UBASH3B: variants seen among roughly 807,000 people sequenced by gnomAD.
UBASH3B encodes the protein ubiquitin associated and SH3 domain containing B.
A neutral mutation model predicts 83.4 loss-of-function variants in UBASH3B; 37 were observed. That is an observed-to-expected ratio of 0.44 (90% confidence interval 0.34 to 0.58). The LOEUF (loss-of-function observed/expected upper bound fraction) is 0.58, where lower values mean the gene tolerates loss of function less well. Among genes scored for constraint, UBASH3B ranks in the 20% least tolerant of loss-of-function variants. The pLI is 0.01. For missense variants in UBASH3B, 657 were observed against 827.2 expected, an observed-to-expected ratio of 0.79 and a Z score of 2.52; for synonymous variants, 304 against 318.3, an observed-to-expected ratio of 0.96 and a Z score of 0.48.
At chr11:122,794,933 T>G in intron 7 of UBASH3B, 99 bp downstream of exon 7, 1 of 1,522,102 alleles carries the variant, frequency 6.6e-7, no homozygotes, top group East Asian at 2.3e-5. Context: ...TCTCCAAAGC[T>G]TCCACGATCT....
At chr11:122,736,606 G>A (rs1202202409) in intron 1 of UBASH3B, among the ~76,000 whole-genome samples, 1 of 152,100 alleles carries the variant, frequency 6.6e-6, no homozygotes, top group Non-Finnish European at 1.5e-5. Flanking sequence ...TCTACCTCAT[G>A]GCCTGTACTA....
chr11:122,685,017 C>T (rs1252338583), intron 1 of UBASH3B, among the ~76,000 whole-genome samples: 2 of 152,202 alleles, frequency 1.3e-5, no homozygotes, highest in African/African-American at 4.8e-5. Context: ...GGCTCATCAA[C>T]ATATCTTCAC....
At chr11:122,777,489 G>C (rs970702930) in intron 3 of UBASH3B, among the ~76,000 whole-genome samples, 1 of 152,192 alleles carries the variant, frequency 6.6e-6, no homozygotes, top group Non-Finnish European at 1.5e-5. Context: ...TGCTGGAATA[G>C]AATCACTGAT....
intron 1 of UBASH3B, among the ~76,000 whole-genome samples, chr11:122,697,539 T>G (rs565125057): frequency 6.6e-6 from 1 of 152,320 alleles, no homozygotes; most frequent in South Asian, 2.1e-4. Flanking sequence ...CTGAAGCAAA[T>G]AGAGTTCCAG....
intron 1 of UBASH3B, among the ~76,000 whole-genome samples, chr11:122,720,160 C>T (rs1860598773): frequency 6.6e-6 from 1 of 152,218 alleles, no homozygotes; most frequent in African/African-American, 2.4e-5. Flanking sequence ...ATTTTCCAGA[C>T]TCCGTACTCA....
At chr11:122,769,926 T>C (rs1023043146) in intron 1 of UBASH3B, among the ~76,000 whole-genome samples, 1 of 152,230 alleles carries the variant, frequency 6.6e-6, no homozygotes, top group Admixed American at 6.5e-5. Flanking sequence ...ATTTAACAAG[T>C]GGTATCCAGG....
chr11:122,741,111 G>A (rs150466374), intron 1 of UBASH3B, among the ~76,000 whole-genome samples: 216 of 152,214 alleles, frequency 1.4e-3, no homozygotes, highest in Non-Finnish European at 2.7e-3. Context: ...AAATGACAAA[G>A]TTTATTTTTT....
At chr11:122,729,662 G>A (rs1410122904) in intron 1 of UBASH3B, among the ~76,000 whole-genome samples, 1 of 151,736 alleles carries the variant, frequency 6.6e-6, no homozygotes, top group Admixed American at 6.6e-5. Context: ...CCTGGGATTT[G>A]CTTTAAAATG....
At chr11:122,698,660 A>T (rs1436278121) in intron 1 of UBASH3B, among the ~76,000 whole-genome samples, 1 of 151,926 alleles carries the variant, frequency 6.6e-6, no homozygotes, top group Non-Finnish European at 1.5e-5. Flanking sequence ...CTGAGTTGCT[A>T]CAATGGTCAG....
At chr11:122,744,750 A>C (rs971848592) in intron 1 of UBASH3B, among the ~76,000 whole-genome samples, 3 of 151,614 alleles carry the variant, frequency 2.0e-5, no homozygotes, top group African/African-American at 7.3e-5. Flanking sequence ...TGATTGTGTC[A>C]GTGTGTGAGT....
At chr11:122,670,041 G>A (rs1196908204) in intron 1 of UBASH3B, among the ~76,000 whole-genome samples, 8 of 152,206 alleles carry the variant, frequency 5.3e-5, no homozygotes, top group Non-Finnish European at 7.4e-5. Context: ...AGGGCAACCC[G>A]ACTTGCCCAT....
chr11:122,711,880 A>G (rs1393593219), intron 1 of UBASH3B, among the ~76,000 whole-genome samples: 2 of 152,100 alleles, frequency 1.3e-5, no homozygotes, highest in Non-Finnish European at 2.9e-5. Context: ...CCCAGGGTTC[A>G]TTTTTTTCTA....
At chr11:122,768,470 A>AGG (rs1860588968) in intron 1 of UBASH3B, among the ~76,000 whole-genome samples, 2 of 140,076 alleles carry the variant, frequency 1.4e-5, no homozygotes, top group Non-Finnish European at 3.0e-5. Flanking sequence ...ATATATATGT[A>AGG]TGTGTGTGTG....
chr11:122,754,462 C>T (rs1296340335), intron 1 of UBASH3B, among the ~76,000 whole-genome samples: 1 of 152,206 alleles, frequency 6.6e-6, no homozygotes, highest in Non-Finnish European at 1.5e-5. Context: ...GCATGAGTGG[C>T]TTGGATAGTG....
At position 122,670,179 on chromosome 11, in the gene UBASH3B, A is replaced by ATG. The variant is rs34408096; in HGVS notation, c.161+13989_161+13990dup. ...TGTGTGTATGTGTTTCTGAGTGTGA[A>ATG]TGTGTGTGTGTGTGTGTGTGTATAT... On this transcript the variant is annotated intron_variant, in intron 1 of 13. Coordinates refer to ENST00000284273, the MANE Select transcript of UBASH3B (RefSeq NM_032873.5). Among the ~76,000 whole-genome samples, 546 of 149,524 alleles carry ATG rather than the reference A, an allele frequency of 3.7e-3. 5 individuals are homozygous for ATG. The Middle Eastern group carries it at 0.045, about 12-fold the overall frequency.
chr11:122,709,679 T>A (rs1864165618), intron 1 of UBASH3B, among the ~76,000 whole-genome samples: 1 of 152,184 alleles, frequency 6.6e-6, no homozygotes, highest in African/African-American at 2.4e-5. Context: ...CAAGCATTCC[T>A]GACATCCTGG....
In UBASH3B at chr11:122,812,148, G is replaced by T. The variant is rs577013724; in HGVS notation, c.*2262G>T. ...CAATATGGACACTGCCTTAGGCAAT[G>T]GTCTATATAAGCAAAAGGAGATAGA... On this transcript the variant is annotated 3_prime_UTR_variant, in exon 14 of 14. Coordinates refer to ENST00000284273, the MANE Select transcript of UBASH3B (RefSeq NM_032873.5). 3.4e-4 allele frequency: 52 copies of T among 152,316 alleles called. No homozygotes were observed. The highest frequency in any genetic ancestry group is 3.4e-3 in the Middle Eastern group (1 of 294). The allele number at this position is 152,316 out of a possible 1,614,324, so 9.4% of individuals were successfully genotyped here.
rs1404972946 is a variant in UBASH3B, at chr11:122,801,182, C to G, written c.1451-6C>G. ...TTCTTCATCTTCACTGTATTTTACC[C>G]CTAAGGTTTACAACAAGAAAATCAC... On this transcript the variant is annotated splice_region_variant and splice_polypyrimidine_tract_variant and intron_variant, in intron 10 of 13. Coordinates refer to ENST00000284273, the MANE Select transcript of UBASH3B (RefSeq NM_032873.5). The G allele has an allele frequency of 1.9e-6, 3 of 1,613,792 alleles. No homozygotes were observed. Among genetic ancestry groups the G allele is most frequent in the Admixed American group, 1.7e-5 (1 of 59,984 alleles).
intron 1 of UBASH3B, among the ~76,000 whole-genome samples, chr11:122,698,983 G>C (rs935698665): frequency 2.6e-5 from 4 of 152,078 alleles, no homozygotes; most frequent in Non-Finnish European, 5.9e-5. Context: ...CTGAATAGCT[G>C]GGGCTGCAGG....
Sources: allele counts gnomAD v4.1 joint callset (sites outside exome capture counted in the v4.1 genomes callset), GRCh38; gene constraint gnomAD v4.1.1; transcripts MANE v1.5; gene names NCBI Gene and HGNC (gene_info 2026-07-23, HGNC 2026-07-21).